The following ENGASE variants were observed in gnomAD, a reference collection of about 807,000 sequenced individuals.
The protein encoded by ENGASE is endo-beta-N-acetylglucosaminidase.
A neutral mutation model predicts 78.5 loss-of-function variants in ENGASE; 69 were observed. That is an observed-to-expected ratio of 0.88 (90% CI 0.72 to 1.07). ENGASE has a LOEUF of 1.07. Ranked by LOEUF, ENGASE falls within the 50% of genes least tolerant of loss-of-function variation. The pLI is 0.00. For synonymous variants in ENGASE, 408 were observed against 408.9 expected, an observed-to-expected ratio of 1.00 and a Z score of 0.03; for missense variants, 943 against 988.4, an observed-to-expected ratio of 0.95 and a Z score of 0.62.
At chr17:79,078,923 T>C (rs2145977851) in intron 3 of ENGASE, among the ~76,000 whole-genome samples, 1 of 152,286 alleles carries the variant, frequency 6.6e-6, no homozygotes, top group Admixed American at 6.5e-5. Flanking sequence ...GTTCATTGGC[T>C]CACAGGGGGT....
chr17:79,077,924 C>CTGGTGGGGGGGGGGGGGG, intron 3 of ENGASE, 60 bp downstream of exon 3: 1 of 623,118 alleles, frequency 1.6e-6, no homozygotes, highest in African/African-American at 1.9e-5. Context: ...GGGGTGGGGG[C>CTGGTGGGGGGGGGGGGGG]TGGAGGGGCG....
Position 79,084,595 on chromosome 17 carries a change from G to C in ENGASE, c.1500G>C (p.Lys500Asn). 1.9e-6 allele frequency: 3 copies of C among 1,611,074 alleles called. No homozygotes were observed. Among genetic ancestry groups the C allele is most frequent in the Non-Finnish European group, 2.5e-6 (3 of 1,179,034 alleles). The change falls in exon 11 of 14, where the codon AAG becomes AAC. Residue 500 changes from lysine (K) to asparagine (N), a missense_variant. Physicochemically the swap from Lys to Asn is moderately conservative, Grantham distance 94. Coordinates refer to ENST00000579016, the MANE Select transcript of ENGASE (RefSeq NM_001042573.3). ...AGATTTACCTGTCCATGGTGTATAAGCTTGAGGGGCCCACGGACGTCACAG... is the reference window on the plus strand; with the variant it reads ...AGATTTACCTGTCCATGGTGTATAACCTTGAGGGGCCCACGGACGTCACAG... The part of the protein sequence containing the change: ...PPKIYLSMVY[K>N]LEGPTDVTVA...
intron 7 of ENGASE, chr17:79,082,491 A>G: frequency 8.3e-7 from 1 of 1,203,890 alleles, no homozygotes; most frequent in South Asian, 1.5e-5. Context: ...GGTAGGTGTC[A>G]TGACGAGGGA....
chr17:79,080,260 G>C lies in ENGASE; in HGVS notation c.619G>C (p.Ala207Pro), dbSNP rs571714955. ...EGGRLCEAFL[A>P]GDERSYQAVA... The stretch of plus-strand genomic sequence containing the variant: ...GGGAAGGCTCTGTGAAGCCTTCCTG[G>C]CCGGGGATGAGCGCTCGTACCAGGC... Residue 207 changes from alanine (A) to proline (P), a missense_variant, in exon 5 of 14, where the codon GCC (alanine) becomes CCC (proline). Coordinates refer to ENST00000579016, the MANE Select transcript of ENGASE (RefSeq NM_001042573.3). 6.2e-7 allele frequency: 1 copy of C among 1,613,464 alleles called. No homozygotes were observed. The highest frequency in any genetic ancestry group is 1.7e-5 in the Admixed American group (1 of 59,994).
intron 3 of ENGASE, 72 bp downstream of exon 3, chr17:79,077,936 G>GC: frequency 4.2e-6 from 3 of 721,528 alleles, no homozygotes; most frequent in Non-Finnish European, 6.6e-6. Context: ...GGAGGGGCGG[G>GC]AGAGAGTGCC....
chr17:79,087,606 G>GC lies in ENGASE; in HGVS notation c.*1257_*1258insC, dbSNP rs1001014099. 2 of 148,778 alleles carry GC rather than the reference G, an allele frequency of 1.3e-5. No individual in the cohort carries two copies. The highest frequency in any genetic ancestry group is 5.0e-5 in the African/African-American group (2 of 40,054). 9.2% of individuals were successfully genotyped at this position (148,778 alleles called of 1,614,324 possible). A position where few individuals can be genotyped will look rare whatever the true frequency, so the allele number is the denominator to read the frequency against. On this transcript the variant is annotated 3_prime_UTR_variant, in exon 14 of 14. Coordinates refer to ENST00000579016, the MANE Select transcript of ENGASE (RefSeq NM_001042573.3). ...AGTGGCCTGAAGTCCCTCGCTTTTG[G>GC]GGGGGGGGTCTCTCACCCCCAGGCC...
intron 7 of ENGASE, 168 bp from the exon 8 acceptor site, chr17:79,082,852 C>T (rs867146767): frequency 7.1e-6 from 11 of 1,552,640 alleles, no homozygotes; most frequent in African/African-American, 6.8e-5. Context: ...TGTGGAACGA[C>T]GGGGGTGATG....
In ENGASE at chr17:79,085,645, T is replaced by G. The variant is rs1168832957; in HGVS notation, c.1726T>G (p.Cys576Gly). The G allele has an allele frequency of 2.5e-6, 4 of 1,613,874 alleles. No homozygotes were observed. Among genetic ancestry groups the G allele is most frequent in the East Asian group, 4.5e-5 (2 of 44,860 alleles). Residue 576 changes from cysteine to glycine, a missense_variant, in exon 13 of 14, where the codon TGC (cysteine) becomes GGC (glycine). Coordinates refer to ENST00000579016, the MANE Select transcript of ENGASE (RefSeq NM_001042573.3). ...CTGCTACGAGGTGAGCCTGCGTGGG[T>G]GCCTGCTGCTAGACCTCCTCGTTTG... ...QHCYEVSLRG[C>G]LLLDLLVCFS...
chr17:79,084,097 C>T, intron 10 of ENGASE, 146 bp downstream of exon 10: 1 of 689,478 alleles, frequency 1.5e-6, no homozygotes, highest in Non-Finnish European at 2.4e-6. Context: ...ATCAAAAATG[C>T]ATTAACGTGA....
At chr17:79,084,796 G>A (rs935221310) in intron 11 of ENGASE, 110 bp downstream of exon 11, 1 of 1,230,984 alleles carries the variant, frequency 8.1e-7, no homozygotes, top group South Asian at 1.3e-5. Flanking sequence ...ACAGTGGGGG[G>A]GTACATCCTG....
At position 79,077,413 on chromosome 17, in the gene ENGASE, A is replaced by G. The variant is rs750975627; in HGVS notation, c.147-17A>G. The G allele has an allele frequency of 2.5e-6, 4 of 1,596,816 alleles. No individual in the cohort carries two copies. The South Asian group carries it at 4.6e-5, about 18-fold the overall frequency. ...TTATGTTTTTATTTATAAATGTACA[A>G]CTCCCTCTTTGCTTAGCATCAAAGA... On this transcript the variant is annotated splice_polypyrimidine_tract_variant and intron_variant, in intron 1 of 13. Transcript: ENST00000579016.
At chr17:79,085,136 G>A in intron 11 of ENGASE, 98 bp from the exon 12 acceptor site, 3 of 923,922 alleles carry the variant, frequency 3.2e-6, no homozygotes, top group Non-Finnish European at 5.3e-6. Flanking sequence ...GCCGAATCAG[G>A]CAGCCTTCTC....
rs767759804 is a variant in ENGASE, at chr17:79,086,208, A to G, written c.2091A>G (p.Ile697Met). ...TGGCTTTTGCCACCCAGTACCGGATAGTGGACCTGCTGGTGGAAGCCGCCG... is the reference window on the plus strand; with the variant it reads ...TGGCTTTTGCCACCCAGTACCGGATGGTGGACCTGCTGGTGGAAGCCGCCG... ...LGLAFATQYR[I>M]VDLLVEAAGP... is the part of the protein sequence containing the mutation. Residue 697 changes from isoleucine (I) to methionine (M), a missense_variant, in exon 14 of 14, where the codon ATA (isoleucine) becomes ATG (methionine). Ile to Met is a conservative substitution (Grantham distance 10, BLOSUM62 1). Coordinates refer to ENST00000579016, the MANE Select transcript of ENGASE (RefSeq NM_001042573.3). 1 of 1,613,554 alleles carries G rather than the reference A, an allele frequency of 6.2e-7. No homozygotes were observed. The highest frequency in any genetic ancestry group is 8.5e-7 in the Non-Finnish European group (1 of 1,180,026).
Position 79,087,286 on chromosome 17 carries a change from C to G in ENGASE, c.*937C>G. The G allele has an allele frequency of 2.9e-6, 1 of 340,444 alleles. No individual in the cohort carries two copies. The highest frequency in any genetic ancestry group is 7.5e-5 in the East Asian group (1 of 13,272). The allele number at this position is 340,444 out of a possible 1,614,324, so 21.1% of individuals were successfully genotyped here. A position where few individuals can be genotyped will look rare whatever the true frequency, so the allele number is the denominator to read the frequency against. On this transcript the variant is annotated 3_prime_UTR_variant, in exon 14 of 14. Coordinates refer to ENST00000579016, the MANE Select transcript of ENGASE (RefSeq NM_001042573.3). ...CGGGGGCTTTTCCAGCTACTCTGTT[C>G]CTTCACGTCCTCCCTTCTCAGCCTC...
chr17:79,088,512 C>T lies in ENGASE; in HGVS notation c.*2163C>T, dbSNP rs1052977724. 1 of 152,256 alleles carries T rather than the reference C, an allele frequency of 6.6e-6. No individual in the cohort carries two copies. The highest frequency in any genetic ancestry group is 1.5e-5 in the Non-Finnish European group (1 of 68,066). The allele number at this position is 152,256 out of a possible 1,614,324, so 9.4% of individuals were successfully genotyped here. On this transcript the variant is annotated 3_prime_UTR_variant, in exon 14 of 14. Coordinates refer to ENST00000579016, the MANE Select transcript of ENGASE (RefSeq NM_001042573.3). ...CCAGCCCACCGCCATGCAGGGCTCG[C>T]GTGCGGGAAAACTAATATGCCGGCG...
chr17:79,086,236 C>T lies in ENGASE; in HGVS notation c.2119C>T (p.Pro707Ser). Residue 707 changes from proline to serine, a missense_variant, in exon 14 of 14, where the codon CCC becomes TCC. Pro to Ser is a moderately conservative substitution (Grantham distance 74). Coordinates refer to ENST00000579016, the MANE Select transcript of ENGASE (RefSeq NM_001042573.3). ...IVDLLVEAAGPGQDRRMEFLV... is the reference protein window; with the variant it reads ...IVDLLVEAAGSGQDRRMEFLV... ...GGACCTGCTGGTGGAAGCCGCCGGG[C>T]CCGGCCAGGATCGTCGCATGGAATT... 2 of 1,613,544 alleles carry T rather than the reference C, an allele frequency of 1.2e-6. No homozygotes were observed. Among genetic ancestry groups the T allele is most frequent in the Non-Finnish European group, 1.7e-6 (2 of 1,180,046 alleles).
At position 79,085,133 on chromosome 17, in the gene ENGASE, C is replaced by CAG. The variant is rs539335539; in HGVS notation, c.1592-100_1592-99dup. 2.7e-4 allele frequency: 244 copies of CAG among 904,246 alleles called. No homozygotes were observed. The African/African-American group carries it at 3.8e-3, about 14-fold the overall frequency. The allele number at this position is 904,246 out of a possible 1,614,324, so 56.0% of individuals were successfully genotyped here. On this transcript the variant is annotated intron_variant, in intron 11 of 13. Coordinates refer to ENST00000579016, the MANE Select transcript of ENGASE (RefSeq NM_001042573.3). ...GGGACCCGCGAGCGTCTGGCCGAAT[C>CAG]AGGCAGCCTTCTCTGGACTCCTGGG...
At chr17:79,081,498 T>C (rs1289950351) in intron 6 of ENGASE, among the ~76,000 whole-genome samples, 1 of 151,920 alleles carries the variant, frequency 6.6e-6, no homozygotes, top group Admixed American at 6.6e-5. Context: ...CGAGACTCTG[T>C]CTCAAAAAGG....
At chr17:79,080,030 C>G (rs965646725) in intron 4 of ENGASE, among the ~76,000 whole-genome samples, 177 bp from the exon 5 acceptor site, 8 of 152,248 alleles carry the variant, frequency 5.3e-5, no homozygotes, top group Non-Finnish European at 1.0e-4. Flanking sequence ...CTTCCGTCAC[C>G]AGGACTGCTG....
Sources: gnomAD v4.1 joint callset for allele counts (sites outside exome capture counted in the v4.1 genomes callset) on GRCh38, gnomAD v4.1.1 for gene constraint, MANE v1.5 for transcripts, NCBI Gene and HGNC (gene_info 2026-07-23, HGNC 2026-07-21) for gene names.